ABTB2: variants seen among roughly 807,000 people sequenced by gnomAD.
The protein encoded by ABTB2 is ankyrin repeat and BTB/POZ domain-containing protein 2.
A neutral mutation model predicts 104.1 loss-of-function variants in ABTB2; 56 were observed. The ratio of observed to expected loss-of-function variants is 0.54; its 90% CI spans 0.43 to 0.67. The LOEUF (loss-of-function observed/expected upper bound fraction) is 0.67. Among genes scored for constraint, ABTB2 ranks in the 30% least tolerant of loss-of-function variants. The probability of loss-of-function intolerance (pLI) is 0.00; values close to 1 mark genes in which losing one functional copy is unlikely to be tolerated. For synonymous variants in ABTB2, 606 were observed against 608.2 expected, an observed-to-expected ratio of 1.00 and a Z score of 0.05; for missense variants, 1,279 against 1,407.7, an observed-to-expected ratio of 0.91 and a Z score of 1.46.
In ABTB2 at chr11:34,162,591, C is replaced by T; in HGVS notation, c.2203G>A (p.Glu735Lys). ...AEHGYVDITM[E>K]LRALGVPWKL... is the part of the protein sequence containing the mutation. ...GAGGCCTCACCCAGTGCCCTCAGCT[C>T]CATGGTGATGTCCACGTAGCCGTGC... The change falls in exon 10 of 17, where the codon GAG becomes AAG. Residue 735 changes from glutamate to lysine, a missense_variant. By Grantham distance (56) the Glu-to-Lys change is moderately conservative (BLOSUM62 1). Transcript: ENST00000435224. 6.2e-7 allele frequency: 1 copy of T among 1,613,610 alleles called. No homozygotes were observed.
intron 1 of ABTB2, among the ~76,000 whole-genome samples, chr11:34,306,921 G>A (rs1006349526): frequency 7.6e-5 from 11 of 144,404 alleles, no homozygotes; most frequent in Non-Finnish European, 1.2e-4. Flanking sequence ...CTGAAGTGAA[G>A]CTTGCTTACT....
intron 1 of ABTB2, among the ~76,000 whole-genome samples, chr11:34,351,959 C>T (rs1395900401): frequency 6.6e-6 from 1 of 152,108 alleles, no homozygotes; most frequent in African/African-American, 2.4e-5. Flanking sequence ...ATTTCCAAAG[C>T]TTGCTCTGTT....
Position 34,151,494 on chromosome 11 carries a change from A to AGACTT in ABTB2, c.*888_*892dup. 1 of 152,230 alleles carries AGACTT rather than the reference A, an allele frequency of 6.6e-6. No individual in the cohort carries two copies. 9.4% of individuals were successfully genotyped at this position (152,230 alleles called of 1,614,324 possible). A position where few individuals can be genotyped will look rare whatever the true frequency, so the allele number is the denominator to read the frequency against. On this transcript the variant is annotated 3_prime_UTR_variant, in exon 17 of 17. Coordinates refer to ENST00000435224, the MANE Select transcript of ABTB2 (RefSeq NM_145804.3). Reference sequence around the variant, plus strand: ...TCAATCCTACATTAAAGGAGCCGAGAGACTTGACCAGGGGACTCTGCTTCA... The same window carrying AGACTT: ...TCAATCCTACATTAAAGGAGCCGAGAGACTTGACTTGACCAGGGGACTCTGCTTCA...
intron 1 of ABTB2, among the ~76,000 whole-genome samples, chr11:34,353,974 T>C (rs1855430971): frequency 6.6e-6 from 1 of 152,194 alleles, no homozygotes; most frequent in African/African-American, 2.4e-5. Flanking sequence ...TCCTAAGCAG[T>C]GTATGCTTCC....
chr11:34,225,763 A>G (rs1853678397), intron 1 of ABTB2, among the ~76,000 whole-genome samples: 1 of 152,122 alleles, frequency 6.6e-6, no homozygotes, highest in African/African-American at 2.4e-5. Flanking sequence ...CTCAAAAATA[A>G]ATAAATAAAT....
chr11:34,168,735 ATCT>A lies in ABTB2; in HGVS notation c.1564-746_1564-744del, dbSNP rs763349076. On this transcript the variant is annotated intron_variant, in intron 5 of 16. Coordinates refer to ENST00000435224, the MANE Select transcript of ABTB2 (RefSeq NM_145804.3). Reference sequence around the variant, plus strand: ...GGTAGAGGAGGCATTTGACTTCAACATCTTCTGCTACTGAGCAGTTCAGAGCAT... The same window carrying A: ...GGTAGAGGAGGCATTTGACTTCAACATCTGCTACTGAGCAGTTCAGAGCAT... 2.6e-4 allele frequency among the ~76,000 whole-genome samples: 39 copies of A among 152,274 alleles called. No individual in the cohort carries two copies. The East Asian group carries it at 5.4e-3, about 21-fold the overall frequency.
rs772188481 is a variant in ABTB2, at chr11:34,160,302, T to G, written c.2449A>C (p.Ser817Arg). 1.9e-6 allele frequency: 3 copies of G among 1,614,182 alleles called. No homozygotes were observed. The highest frequency in any genetic ancestry group is 1.7e-5 in the Admixed American group (1 of 60,030). ...TCTGGGATGCTGGGGATGGGACTGC[T>G]GCCATAGCAGTGGGTGAAGATGGTA... ...LATIFTHCYGSSPIPSIPEIR... is the reference protein window; with the variant it reads ...LATIFTHCYGRSPIPSIPEIR... Residue 817 changes from serine to arginine, a missense_variant, in exon 12 of 17, where the codon AGC becomes CGC. Ser to Arg is a moderately radical substitution (Grantham distance 110). Transcript: ENST00000435224.
rs190234270 is a variant in ABTB2 at position 34,159,157 on chromosome 11, A to G, written c.2697+139T>C. The G allele has an allele frequency of 4.5e-4, 299 of 664,796 alleles. 3 individuals are homozygous for G. The African/African-American group carries it at 5.1e-3, about 11-fold the overall frequency. The allele number at this position is 664,796 out of a possible 1,614,324, so 41.2% of individuals were successfully genotyped here. On this transcript the variant is annotated intron_variant, in intron 14 of 16. Coordinates refer to ENST00000435224, the MANE Select transcript of ABTB2 (RefSeq NM_145804.3). ...TACCTCTGCACAGGGAAAGACCTGG[A>G]TGCTCTATTCATTCAACAGAATACA...
chr11:34,220,714 A>G (rs997593667), intron 1 of ABTB2, among the ~76,000 whole-genome samples: 1 of 152,232 alleles, frequency 6.6e-6, no homozygotes. Flanking sequence ...TCTTGTTGCA[A>G]AAATAAAATA....
chr11:34,313,950 GC>G (rs1168433817), intron 1 of ABTB2, among the ~76,000 whole-genome samples: 4 of 152,188 alleles, frequency 2.6e-5, no homozygotes, highest in Non-Finnish European at 4.4e-5. Context: ...TCAAGGTGGG[GC>G]AGGTTGGAGG....
Position 34,264,248 on chromosome 11 carries a change from G to T in ABTB2, c.884-59558C>A, listed in dbSNP as rs115816432. On this transcript the variant is annotated intron_variant, in intron 1 of 16. Coordinates refer to ENST00000435224, the MANE Select transcript of ABTB2 (RefSeq NM_145804.3). ...GAGAGTTCAAAGCAGGGTTTCCCTA[G>T]CTCTCTCGGCCTCAGTTTCTTCCTC... Among the ~76,000 whole-genome samples, 958 of 152,294 alleles carry T rather than the reference G, an allele frequency of 6.3e-3. 8 individuals are homozygous for T. Among genetic ancestry groups the T allele is most frequent in the African/African-American group, 0.022 (925 of 41,546 alleles).
In ABTB2 at chr11:34,356,857, G is replaced by T. The variant is rs187731559; in HGVS notation, c.727C>A (p.Arg243=). ...ACMENLVEEI[R]ARVMASHSPD... ...CTGTGGCTGGCCATCACCCTGGCCC[G>T]GATCTCCTCCACCAGGTTCTCCATG... The change falls in exon 1 of 17, where the codon CGG becomes AGG. Residue 243 remains arginine, a synonymous_variant. Transcript: ENST00000435224. The surrounding 1 kb of genome is among the most constrained non-coding windows in gnomAD (Gnocchi z 4.6). 90 of 1,605,058 alleles carry T rather than the reference G, an allele frequency of 5.6e-5. No homozygotes were observed. Among genetic ancestry groups the T allele is most frequent in the Non-Finnish European group, 7.7e-5 (90 of 1,176,028 alleles).
chr11:34,279,111 TC>T (rs1854419982), intron 1 of ABTB2, among the ~76,000 whole-genome samples: 1 of 152,166 alleles, frequency 6.6e-6, no homozygotes, highest in Non-Finnish European at 1.5e-5. Flanking sequence ...CAAACCATCC[TC>T]TTACTTCAAA....
intron 1 of ABTB2, among the ~76,000 whole-genome samples, chr11:34,289,407 C>T (rs1446653297): frequency 2.0e-5 from 3 of 152,202 alleles, no homozygotes; most frequent in African/African-American, 7.2e-5. Context: ...GCACTGGGCA[C>T]TGTGCTAAGT....
chr11:34,341,499 C>T (rs75205252), intron 1 of ABTB2, among the ~76,000 whole-genome samples: 186 of 152,322 alleles, frequency 1.2e-3, no homozygotes, highest in African/African-American at 4.3e-3. Flanking sequence ...ACAGAACTGT[C>T]TGCGATGATG....
chr11:34,241,284 G>C (rs558302598), intron 1 of ABTB2, among the ~76,000 whole-genome samples: 39 of 152,286 alleles, frequency 2.6e-4, no homozygotes, highest in African/African-American at 8.9e-4. Flanking sequence ...AGGCCTAAAC[G>C]AGGGGAAAAG....
At chr11:34,267,888 T>A (rs961877813) in intron 1 of ABTB2, among the ~76,000 whole-genome samples, 4 of 152,236 alleles carry the variant, frequency 2.6e-5, no homozygotes, top group Non-Finnish European at 4.4e-5. Context: ...CTCTTCAATT[T>A]TTATTATAAA....
At chr11:34,248,096 T>TAA (rs1157412906) in intron 1 of ABTB2, among the ~76,000 whole-genome samples, 51 of 116,246 alleles carry the variant, frequency 4.4e-4, no homozygotes, top group African/African-American at 1.2e-3. Flanking sequence ...TAATTTTTCT[T>TAA]AAAAAAAAAA....
chr11:34,219,997 C>G (rs1169746040), intron 1 of ABTB2, among the ~76,000 whole-genome samples: 1 of 152,194 alleles, frequency 6.6e-6, no homozygotes, highest in Non-Finnish European at 1.5e-5. Flanking sequence ...AGGGATTTTA[C>G]AGACTTTATG....
Sources: allele counts gnomAD v4.1 joint callset (sites outside exome capture counted in the v4.1 genomes callset), GRCh38; gene constraint gnomAD v4.1.1; non-coding constraint Gnocchi (gnomAD v3.1); transcripts MANE v1.5; gene names NCBI Gene and HGNC (gene_info 2026-07-23, HGNC 2026-07-21).